Variants in ATG3 observed in about 807,000 individuals in gnomAD.
ATG3 encodes the protein autophagy related 3.
Under a neutral mutation model 50.7 loss-of-function variants are expected in ATG3, and 25 were observed. The ratio of observed to expected loss-of-function variants is 0.49; its 90% CI spans 0.36 to 0.69. The LOEUF is 0.69. Ranked by LOEUF, ATG3 falls within the 30% of genes least tolerant of loss-of-function variation. ATG3 has a pLI of 0.00. For synonymous variants in ATG3, 119 were observed against 125.5 expected (o/e 0.95, Z 0.34); for missense variants, 281 against 376.0 (o/e 0.75, Z 2.09).
At chr3:112,548,403 C>CT in intron 5 of ATG3, 130 bp downstream of exon 5, 1 of 788,660 alleles carries the variant, frequency 1.3e-6, no homozygotes, top group Non-Finnish European at 2.0e-6. Context: ...TGTCCTCCTG[C>CT]TTTTTTCATG....
At chr3:112,545,944 A>C (rs1307652053) in intron 5 of ATG3, among the ~76,000 whole-genome samples, 1 of 152,160 alleles carries the variant, frequency 6.6e-6, no homozygotes, top group Non-Finnish European at 1.5e-5. Context: ...TCTACAAGAT[A>C]GGGGGATATC....
chr3:112,553,636 G>A (rs1467227379), intron 2 of ATG3, among the ~76,000 whole-genome samples: 1 of 152,044 alleles, frequency 6.6e-6, no homozygotes, highest in African/African-American at 2.4e-5. Flanking sequence ...GCAGTATAAT[G>A]AAATTGATAA....
In ATG3 at chr3:112,537,717, A is replaced by G; in HGVS notation, c.666+18T>C. 6.6e-7 allele frequency: 1 copy of G among 1,521,054 alleles called. No individual in the cohort carries two copies. Among genetic ancestry groups the G allele is most frequent in the Non-Finnish European group, 8.8e-7 (1 of 1,133,166 alleles). 94.2% of individuals were successfully genotyped at this position (1,521,054 alleles called of 1,614,324 possible). The stretch of plus-strand genomic sequence containing the variant: ...ATTTAAAATATTGATATTAAAATAT[A>G]ATGCTTTTCATTTTTACCTCATCAT... On this transcript the variant is annotated intron_variant, in intron 9 of 11. Transcript: ENST00000283290.
At chr3:112,558,554 C>A in intron 1 of ATG3, 137 bp from the exon 2 acceptor site, 1 of 662,416 alleles carries the variant, frequency 1.5e-6, no homozygotes, top group South Asian at 1.8e-5. Context: ...TCTATCTAAT[C>A]TATAATCTAT....
At chr3:112,539,904 G>A (rs886544405) in intron 7 of ATG3, among the ~76,000 whole-genome samples, 1 of 152,112 alleles carries the variant, frequency 6.6e-6, no homozygotes, top group African/African-American at 2.4e-5. Flanking sequence ...TGCTTTACTC[G>A]AAGGGTTCTA....
chr3:112,538,128 A>C lies in ATG3; in HGVS notation c.510+18T>G, dbSNP rs1933123707. 2 of 1,552,498 alleles carry C rather than the reference A, an allele frequency of 1.3e-6. No homozygotes were observed. The highest frequency in any genetic ancestry group is 1.8e-6 in the Non-Finnish European group (2 of 1,139,322). On this transcript the variant is annotated intron_variant, in intron 8 of 11. Transcript: ENST00000283290. ...TTCATCCATTAAAAATTAACTAAAG[A>C]AAACTCAATTTACAAACCTCATCTG...
chr3:112,537,010 A>G (rs1435741562), intron 9 of ATG3, among the ~76,000 whole-genome samples: 1 of 150,580 alleles, frequency 6.6e-6, no homozygotes, highest in Non-Finnish European at 1.5e-5. Flanking sequence ...GGTTTATAAT[A>G]TATTTAGTTC....
chr3:112,550,130 G>A (rs567106500), intron 4 of ATG3, 62 bp downstream of exon 4: 14 of 1,230,804 alleles, frequency 1.1e-5, no homozygotes, highest in Admixed American at 6.8e-5. Context: ...TAGAAAAACC[G>A]AGAGCTTCAT....
intron 5 of ATG3, among the ~76,000 whole-genome samples, chr3:112,547,586 T>C (rs1035701618): frequency 6.6e-6 from 1 of 152,252 alleles, no homozygotes; most frequent in Non-Finnish European, 1.5e-5. Context: ...TACATAGTTA[T>C]ATAAATATAG....
chr3:112,538,197 A>G lies in ATG3; in HGVS notation c.476-17T>C. 1 of 1,559,084 alleles carries G rather than the reference A, an allele frequency of 6.4e-7. No homozygotes were observed. Among genetic ancestry groups the G allele is most frequent in the South Asian group, 1.2e-5 (1 of 85,098 alleles). Reference sequence around the variant, plus strand: ...CTTCATATTCTGTTATAAAAAAACAACAAAAGATTAATCAAGTTCAAGTTC... The same window carrying G: ...CTTCATATTCTGTTATAAAAAAACAGCAAAAGATTAATCAAGTTCAAGTTC... On this transcript the variant is annotated splice_polypyrimidine_tract_variant and intron_variant, in intron 7 of 11. Transcript: ENST00000283290.
intron 4 of ATG3, among the ~76,000 whole-genome samples, chr3:112,548,931 A>C (rs972516929): frequency 2.0e-5 from 3 of 152,228 alleles, no homozygotes; most frequent in Non-Finnish European, 4.4e-5. Flanking sequence ...CAGCAGGCTG[A>C]TGTCAGAGAT....
At chr3:112,555,225 A>C (rs1162387353) in intron 2 of ATG3, among the ~76,000 whole-genome samples, 4 of 149,204 alleles carry the variant, frequency 2.7e-5, no homozygotes, top group Non-Finnish European at 3.0e-5. Flanking sequence ...AACAAAAAAA[A>C]CACAGACTCA....
At chr3:112,536,694 G>A (rs1458885200) in intron 9 of ATG3, 92 bp from the exon 10 acceptor site, 1 of 1,382,110 alleles carries the variant, frequency 7.2e-7, no homozygotes, top group African/African-American at 1.4e-5. Context: ...GACTGAGGTG[G>A]GCGGATCACA....
intron 7 of ATG3, chr3:112,538,396 A>T: frequency 2.0e-6 from 1 of 495,638 alleles, no homozygotes; most frequent in Non-Finnish European, 3.6e-6. Context: ...TGACATAATA[A>T]TACTGTAGAG....
intron 9 of ATG3, 47 bp from the exon 10 acceptor site, chr3:112,536,649 C>CA: frequency 1.2e-6 from 2 of 1,600,926 alleles, no homozygotes; most frequent in Non-Finnish European, 1.7e-6. Context: ...AGGCCGGGTG[C>CA]AGTGGCTCAC....
chr3:112,557,004 C>T (rs1010602744), intron 2 of ATG3, among the ~76,000 whole-genome samples: 1 of 151,406 alleles, frequency 6.6e-6, no homozygotes, highest in Non-Finnish European at 1.5e-5. Flanking sequence ...CGAGAAACAC[C>T]CAAGAATGAT....
intron 2 of ATG3, among the ~76,000 whole-genome samples, chr3:112,557,509 T>G (rs1013204728): frequency 6.6e-6 from 1 of 152,108 alleles, no homozygotes; most frequent in African/African-American, 2.4e-5. Context: ...TCCCAGCTAC[T>G]TGGGAGGCTG....
intron 1 of ATG3, 103 bp downstream of exon 1, chr3:112,561,354 C>A (rs1933868182): frequency 1.6e-6 from 2 of 1,254,376 alleles, no homozygotes. Flanking sequence ...TACTGCCTTC[C>A]TACACCTTGC....
intron 7 of ATG3, among the ~76,000 whole-genome samples, chr3:112,538,878 ATG>A: frequency 6.6e-6 from 1 of 152,324 alleles, no homozygotes; most frequent in African/African-American, 2.4e-5. Context: ...CAAATATCAC[ATG>A]TCTGAAACTG....
Sources: allele counts gnomAD v4.1 joint callset (sites outside exome capture counted in the v4.1 genomes callset), GRCh38; gene constraint gnomAD v4.1.1; transcripts MANE v1.5; gene names NCBI Gene and HGNC (gene_info 2026-07-23, HGNC 2026-07-21).